Variants in NCOA7 observed in about 807,000 individuals in gnomAD.
NCOA7 encodes 140 kDa estrogen receptor-associated protein.
A neutral mutation model predicts 104.3 loss-of-function variants in NCOA7; 45 were observed. That is an observed-to-expected ratio of 0.43 (90% CI 0.34 to 0.55). The LOEUF (loss-of-function observed/expected upper bound fraction) is 0.55. Among genes scored for constraint, NCOA7 ranks in the 20% least tolerant of loss-of-function variants. The pLI, the probability that NCOA7 is intolerant of heterozygous loss-of-function variation, is 0.02. For missense variants in NCOA7, 1,041 were observed against 1,119.7 expected (o/e 0.93, Z 1.00); for synonymous variants, 398 against 402.3 (o/e 0.99, Z 0.13).
At chr6:125,835,128 T>G (rs1779506893) in intron 2 of NCOA7, among the ~76,000 whole-genome samples, 1 of 152,198 alleles carries the variant, frequency 6.6e-6, no homozygotes, top group Non-Finnish European at 1.5e-5. Context: ...TCCAGAATCT[T>G]TAAAATTTCC....
chr6:125,806,464 G>C (rs139658544), intron 1 of NCOA7, among the ~76,000 whole-genome samples: 1 of 152,076 alleles, frequency 6.6e-6, no homozygotes, highest in Non-Finnish European at 1.5e-5. Flanking sequence ...ATAAAATCTC[G>C]GCTTTAAGGG....
chr6:125,803,172 G>A (rs1331768321), intron 1 of NCOA7, among the ~76,000 whole-genome samples: 1 of 152,156 alleles, frequency 6.6e-6, no homozygotes, highest in Admixed American at 6.5e-5. Flanking sequence ...ATATAACCCT[G>A]AATTGTGGTT....
At chr6:125,814,556 A>G (rs1457262413) in intron 1 of NCOA7, among the ~76,000 whole-genome samples, 8 of 152,236 alleles carry the variant, frequency 5.3e-5, no homozygotes, top group Non-Finnish European at 1.0e-4. Context: ...AGACTGGTGA[A>G]TCACTGAATA....
At chr6:125,913,686 G>C (rs1386169870) in intron 10 of NCOA7, 1 of 980,480 alleles carries the variant, frequency 1.0e-6, no homozygotes, top group African/African-American at 1.8e-5. Context: ...TAAAGTATAA[G>C]AAAATTGGTA....
At chr6:125,881,771 T>TA (rs1562970632) in intron 6 of NCOA7, among the ~76,000 whole-genome samples, 27 of 151,466 alleles carry the variant, frequency 1.8e-4, no homozygotes, top group African/African-American at 4.9e-4. Context: ...CCTCCTTTTT[T>TA]TAAAAAAAAA....
At chr6:125,868,324 A>G (rs1439674252) in intron 3 of NCOA7, among the ~76,000 whole-genome samples, 1 of 152,220 alleles carries the variant, frequency 6.6e-6, no homozygotes, top group African/African-American at 2.4e-5. Context: ...ATACTACTCT[A>G]TTCACATTGC....
chr6:125,840,072 C>T (rs1779989499), intron 2 of NCOA7, among the ~76,000 whole-genome samples: 1 of 151,790 alleles, frequency 6.6e-6, no homozygotes, highest in African/African-American at 2.4e-5. Context: ...TGTTATTGCC[C>T]CTGAGAACTT....
intron 3 of NCOA7, among the ~76,000 whole-genome samples, chr6:125,857,188 T>A (rs1042891578): frequency 3.9e-5 from 6 of 152,180 alleles, no homozygotes; most frequent in African/African-American, 1.4e-4. Flanking sequence ...ATATTAAATA[T>A]TATCCCTTAT....
At chr6:125,910,428 A>C (rs181008660) in intron 10 of NCOA7, among the ~76,000 whole-genome samples, 102 of 152,358 alleles carry the variant, frequency 6.7e-4, no homozygotes, top group Non-Finnish European at 5.1e-4. Context: ...ATTTCAAAAC[A>C]TATTTAAGAT....
At chr6:125,818,916 G>T (rs1472856324) in intron 2 of NCOA7, 3 of 152,320 alleles carry the variant, frequency 2.0e-5, no homozygotes, top group Admixed American at 6.5e-5. Context: ...CAGGCCAAGG[G>T]TGAGGCCAAA....
intron 1 of NCOA7, among the ~76,000 whole-genome samples, chr6:125,799,567 A>G (rs7767603): frequency 0.055 from 8,373 of 151,640 alleles, 754 homozygotes; most frequent in African/African-American, 0.19. Flanking sequence ...AACCTTTGGA[A>G]TAGCTGGGAC....
chr6:125,788,832 G>A (rs1162141813), upstream of NCOA7, among the ~76,000 whole-genome samples: 2 of 151,716 alleles, frequency 1.3e-5, no homozygotes, highest in African/African-American at 4.8e-5. Flanking sequence ...GTGAGCCACT[G>A]CGCCTGGCCA....
At chr6:125,784,738 C>G (rs943794082) in intron 1 of NCOA7, among the ~76,000 whole-genome samples, 1 of 152,152 alleles carries the variant, frequency 6.6e-6, no homozygotes, top group African/African-American at 2.4e-5. Flanking sequence ...CACGTGATAA[C>G]TTGGATAGAT....
intron 1 of NCOA7, among the ~76,000 whole-genome samples, chr6:125,784,770 G>A (rs1774380366): frequency 6.6e-6 from 1 of 152,128 alleles, no homozygotes; most frequent in Non-Finnish European, 1.5e-5. Flanking sequence ...TATACTGAAT[G>A]AGGAAAAAAG....
intron 10 of NCOA7, among the ~76,000 whole-genome samples, chr6:125,891,899 C>T (rs1057303916): frequency 1.3e-5 from 2 of 152,222 alleles, no homozygotes; most frequent in Middle Eastern, 6.8e-3. Flanking sequence ...GCCTGCAGCC[C>T]CCACAGCATC....
intron 2 of NCOA7, among the ~76,000 whole-genome samples, chr6:125,839,018 C>A (rs1779874338): frequency 6.6e-6 from 1 of 152,056 alleles, no homozygotes. Context: ...GTGTTCATCA[C>A]CCTGGAAACT....
intron 1 of NCOA7, among the ~76,000 whole-genome samples, chr6:125,791,738 A>T (rs1433433109): frequency 6.6e-6 from 1 of 152,120 alleles, no homozygotes; most frequent in Admixed American, 6.5e-5. Context: ...AGGTGTCGGG[A>T]GTTGAGATTC....
At chr6:125,833,975 A>T (rs372281035) in intron 2 of NCOA7, among the ~76,000 whole-genome samples, 38 of 152,292 alleles carry the variant, frequency 2.5e-4, no homozygotes, top group Admixed American at 1.3e-3. Flanking sequence ...AATAGAATTT[A>T]AAAAAATTGT....
At chr6:125,922,457 G>A (rs1448795197) in intron 12 of NCOA7, among the ~76,000 whole-genome samples, 1 of 152,216 alleles carries the variant, frequency 6.6e-6, no homozygotes, top group African/African-American at 2.4e-5. Flanking sequence ...CCATAGTCAT[G>A]TCCCTGAATG....
Sources: gnomAD v4.1 joint callset for allele counts (sites outside exome capture counted in the v4.1 genomes callset) on GRCh38, gnomAD v4.1.1 for gene constraint, MANE v1.5 for transcripts, NCBI Gene and HGNC (gene_info 2026-07-23, HGNC 2026-07-21) for gene names.